IDE: variants seen among roughly 807,000 people sequenced by gnomAD.
IDE encodes insulin-degrading enzyme.
A neutral mutation model predicts 133.2 loss-of-function variants in IDE; 58 were observed. The ratio of observed to expected loss-of-function variants is 0.44; its 90% CI spans 0.35 to 0.54. The LOEUF is 0.54. IDE is among the 20% of genes least tolerant of loss of function. IDE has a pLI of 0.00. For synonymous variants in IDE, 396 were observed against 421.3 expected, an observed-to-expected ratio of 0.94 and a Z score of 0.73; for missense variants, 981 against 1,234.0, an observed-to-expected ratio of 0.79 and a Z score of 3.07.
intron 4 of IDE, among the ~76,000 whole-genome samples, chr10:92,524,544 TTA>T (rs1312169050): frequency 1.4e-4 from 15 of 105,716 alleles, no homozygotes; most frequent in African/African-American, 4.7e-4. Context: ...ATATTTTATA[TTA>T]TATATATATT....
At chr10:92,504,235 T>C (rs1669312818) in intron 11 of IDE, among the ~76,000 whole-genome samples, 1 of 152,166 alleles carries the variant, frequency 6.6e-6, no homozygotes, top group Non-Finnish European at 1.5e-5. Context: ...TTCAGTTTTA[T>C]GGGAGGAATA....
chr10:92,527,734 T>C (rs1218848082), intron 4 of IDE, among the ~76,000 whole-genome samples: 1 of 152,184 alleles, frequency 6.6e-6, no homozygotes, highest in Non-Finnish European at 1.5e-5. Context: ...TACAAGAACA[T>C]GGCCGGGCAC....
chr10:92,528,420 A>C (rs1218949636), intron 4 of IDE, among the ~76,000 whole-genome samples: 1 of 151,946 alleles, frequency 6.6e-6, no homozygotes, highest in East Asian at 1.9e-4. Flanking sequence ...TTATATTGTA[A>C]TTAAATGCAT....
At chr10:92,490,369 G>A (rs932298067) in intron 12 of IDE, 124 bp downstream of exon 12, 2 of 694,534 alleles carry the variant, frequency 2.9e-6, no homozygotes, top group African/African-American at 3.6e-5. Context: ...TTTCTCTTAG[G>A]ATGGTACAGA....
At chr10:92,532,738 C>G (rs1380082029) in intron 3 of IDE, among the ~76,000 whole-genome samples, 1 of 150,356 alleles carries the variant, frequency 6.7e-6, no homozygotes, top group Non-Finnish European at 1.5e-5. Context: ...TCTTAAGAAA[C>G]TTTACATCCC....
At chr10:92,526,544 G>A (rs1486751612) in intron 4 of IDE, among the ~76,000 whole-genome samples, 2 of 152,022 alleles carry the variant, frequency 1.3e-5, no homozygotes, top group East Asian at 3.9e-4. Flanking sequence ...GAAAGGAACT[G>A]GGGCTTAGAG....
chr10:92,516,220 T>C (rs1848921340), intron 4 of IDE, among the ~76,000 whole-genome samples: 1 of 150,572 alleles, frequency 6.6e-6, no homozygotes. Context: ...TTGGCTGGGC[T>C]CAGTGGCTCA....
rs35640611 is a variant in IDE, at chr10:92,465,791, G to A, written c.2373C>T (p.Ile791=). 14 of 1,613,668 alleles carry A rather than the reference G, an allele frequency of 8.7e-6. No individual in the cohort carries two copies. The highest frequency in any genetic ancestry group is 1.6e-4 in the Middle Eastern group (1 of 6,082). Residue 791 remains isoleucine, a synonymous_variant, in exon 20 of 25, where the codon ATC becomes ATT. Coordinates refer to ENST00000265986, the MANE Select transcript of IDE (RefSeq NM_004969.4). ...QRNEVHNNCG[I]EIYYQTDMQS... is the part of the protein sequence containing the mutation. Reference sequence around the variant, plus strand: ...GCATGTCTGTTTGGTAGTATATCTCGATGCCACAGTTATTGTGAACTTCAT... The same window carrying A: ...GCATGTCTGTTTGGTAGTATATCTCAATGCCACAGTTATTGTGAACTTCAT...
At chr10:92,560,858 CACTT>C (rs1843247402) in intron 1 of IDE, among the ~76,000 whole-genome samples, 1 of 152,144 alleles carries the variant, frequency 6.6e-6, no homozygotes, top group Admixed American at 6.5e-5. Flanking sequence ...CTGATAGCTC[CACTT>C]ACTTTCCTAG....
At chr10:92,460,011 T>G (rs1845281544) in intron 22 of IDE, among the ~76,000 whole-genome samples, 1 of 151,610 alleles carries the variant, frequency 6.6e-6, no homozygotes, top group Non-Finnish European at 1.5e-5. Context: ...TTTATTATTA[T>G]TATTTTTAGT....
Position 92,515,054 on chromosome 10 carries a change from GA to G in IDE, c.662-13del. Reference sequence around the variant, plus strand: ...AGTATATTTGTTACCTGGAAGGGAAGAAAAGGGATTTCTTAGAAAAAGCAAA... The same window carrying G: ...AGTATATTTGTTACCTGGAAGGGAAGAAAGGGATTTCTTAGAAAAAGCAAA... On this transcript the variant is annotated splice_polypyrimidine_tract_variant and intron_variant, in intron 4 of 24. Transcript: ENST00000265986. The G allele has an allele frequency of 1.3e-6, 2 of 1,569,972 alleles. No individual in the cohort carries two copies. Among genetic ancestry groups the G allele is most frequent in the African/African-American group, 1.4e-5 (1 of 73,150 alleles).
intron 6 of IDE, 90 bp downstream of exon 6, chr10:92,509,960 C>A: frequency 5.3e-6 from 3 of 562,568 alleles, no homozygotes; most frequent in Non-Finnish European, 3.1e-6. Flanking sequence ...ATAATGAAAC[C>A]TCCAAAAATT....
intron 11 of IDE, among the ~76,000 whole-genome samples, chr10:92,497,456 C>G (rs995537590): frequency 6.6e-6 from 1 of 152,132 alleles, no homozygotes; most frequent in Non-Finnish European, 1.5e-5. Context: ...CATACTACAC[C>G]ATTTAATATA....
intron 1 of IDE, chr10:92,573,111 T>C (rs1843868647): frequency 1.0e-6 from 1 of 985,422 alleles, no homozygotes; most frequent in Non-Finnish European, 1.2e-6. Context: ...CCTATCTTCT[T>C]CCATTCGTAG....
intron 1 of IDE, among the ~76,000 whole-genome samples, chr10:92,551,178 A>C (rs1842760027): frequency 6.6e-6 from 1 of 152,386 alleles, no homozygotes; most frequent in Non-Finnish European, 1.5e-5. Flanking sequence ...TGGATGAATC[A>C]GTAAACAAAA....
chr10:92,509,466 A>C (rs1328293614), intron 6 of IDE, among the ~76,000 whole-genome samples: 1 of 151,900 alleles, frequency 6.6e-6, no homozygotes, highest in Non-Finnish European at 1.5e-5. Context: ...AGTGGCATGC[A>C]CCTATAGTTC....
intron 15 of IDE, among the ~76,000 whole-genome samples, chr10:92,477,561 G>A (rs1185007021): frequency 2.6e-5 from 4 of 152,204 alleles, no homozygotes; most frequent in Admixed American, 2.6e-4. Flanking sequence ...CAAAGCAGTA[G>A]GGGATATCAC....
intron 22 of IDE, among the ~76,000 whole-genome samples, chr10:92,458,609 C>A (rs1174527812): frequency 1.4e-5 from 2 of 142,336 alleles, no homozygotes; most frequent in Non-Finnish European, 1.5e-5. Flanking sequence ...TCAAGTGATT[C>A]TCCTGCCTCA....
intron 22 of IDE, among the ~76,000 whole-genome samples, chr10:92,458,743 G>A (rs1845184830): frequency 6.6e-6 from 1 of 151,810 alleles, no homozygotes; most frequent in East Asian, 1.9e-4. Context: ...CTCGTGATCT[G>A]CCCACCTCGG....
Sources: gnomAD v4.1 joint callset for allele counts (sites outside exome capture counted in the v4.1 genomes callset) on GRCh38, gnomAD v4.1.1 for gene constraint, MANE v1.5 for transcripts, NCBI Gene and HGNC (gene_info 2026-07-23, HGNC 2026-07-21) for gene names.